Variants in DYM observed in about 807,000 individuals in gnomAD.
DYM encodes the protein dymeclin.
A neutral mutation model predicts 93.1 loss-of-function variants in DYM; 78 were observed. The ratio of observed to expected loss-of-function variants is 0.84; its 90% CI spans 0.70 to 1.01. DYM has a LOEUF of 1.01. Ranked by LOEUF, DYM falls within the 50% of genes least tolerant of loss-of-function variation. The probability of loss-of-function intolerance (pLI) is 0.00; values close to 1 mark genes in which losing one functional copy is unlikely to be tolerated. For synonymous variants in DYM, 321 were observed against 319.7 expected (o/e 1.00, Z -0.04); for missense variants, 789 against 845.0 (o/e 0.93, Z 0.82).
intron 8 of DYM, among the ~76,000 whole-genome samples, chr18:49,327,108 AAC>A (rs2062953130): frequency 6.7e-6 from 1 of 149,796 alleles, no homozygotes; most frequent in Admixed American, 6.7e-5. Context: ...GAGGAGAAAA[AAC>A]ACAACAAATG....
intron 13 of DYM, among the ~76,000 whole-genome samples, chr18:49,237,059 A>G (rs1165792806): frequency 6.6e-6 from 1 of 152,096 alleles, no homozygotes; most frequent in Non-Finnish European, 1.5e-5. Flanking sequence ...TATTAAGCAA[A>G]TTATCCATAA....
Position 49,209,407 on chromosome 18 carries a change from T to C in DYM, c.1625+144A>G, listed in dbSNP as rs141785956. The C allele has an allele frequency of 2.3e-4, 113 of 501,048 alleles. 3 individuals are homozygous for C. In the East Asian group the frequency reaches 9.1e-3, roughly 40 times the overall value. 31.0% of individuals were successfully genotyped at this position (501,048 alleles called of 1,614,324 possible). A position where few individuals can be genotyped will look rare whatever the true frequency, so the allele number is the denominator to read the frequency against. ...TTTGTAAGGAAACAAAATCCAGCTATTATTTTAAAAAAATTATTTAGTACC... is the reference window on the plus strand; with the variant it reads ...TTTGTAAGGAAACAAAATCCAGCTACTATTTTAAAAAAATTATTTAGTACC... On this transcript the variant is annotated intron_variant, in intron 14 of 17. Coordinates refer to ENST00000675505, the MANE Select transcript of DYM (RefSeq NM_001353214.3).
chr18:49,178,017 A>G (rs1272953856), intron 14 of DYM, among the ~76,000 whole-genome samples: 2 of 152,158 alleles, frequency 1.3e-5, no homozygotes, highest in Non-Finnish European at 2.9e-5. Context: ...TCCTGAATAA[A>G]GAAGTAGCTC....
chr18:49,132,629 A>G (rs1430695798), intron 15 of DYM, among the ~76,000 whole-genome samples: 1 of 152,156 alleles, frequency 6.6e-6, no homozygotes, highest in East Asian at 1.9e-4. Flanking sequence ...ACATAACTAT[A>G]ATTTCAAAAA....
At chr18:49,343,991 T>C (rs1313566171) in intron 6 of DYM, among the ~76,000 whole-genome samples, 8 of 151,074 alleles carry the variant, frequency 5.3e-5, no homozygotes, top group Admixed American at 5.3e-4. Context: ...GGAGCCACAG[T>C]AACAGAACTA....
chr18:49,317,646 C>CTCCTCTCCTCTCCTCTCCTTCCTTCCT (rs750848541), intron 8 of DYM, among the ~76,000 whole-genome samples: 3 of 36,610 alleles, frequency 8.2e-5, no homozygotes, highest in East Asian at 7.9e-4. Flanking sequence ...ATCCTCTCCT[C>CTCCTCTCCTCTCCTCTCCTTCCTTCCT]TCCTTCCTTC....
chr18:49,305,645 T>C (rs2061230150), intron 8 of DYM, among the ~76,000 whole-genome samples: 1 of 152,224 alleles, frequency 6.6e-6, no homozygotes, highest in African/African-American at 2.4e-5. Context: ...CTCAATGAAA[T>C]GTAGGCATTT....
intron 14 of DYM, among the ~76,000 whole-genome samples, chr18:49,165,551 G>A (rs2087757332): frequency 6.6e-6 from 1 of 152,024 alleles, no homozygotes; most frequent in African/African-American, 2.4e-5. Context: ...GGGCCACTAA[G>A]TAGTCTTTGT....
intron 15 of DYM, among the ~76,000 whole-genome samples, chr18:49,124,657 T>G (rs1056382550): frequency 6.6e-6 from 1 of 152,242 alleles, no homozygotes; most frequent in Non-Finnish European, 1.5e-5. Context: ...TCTCTTACAT[T>G]GTTTCTGTGA....
chr18:49,233,416 T>G (rs868306796), intron 13 of DYM, among the ~76,000 whole-genome samples: 4 of 149,010 alleles, frequency 2.7e-5, no homozygotes, highest in African/African-American at 7.3e-5. Flanking sequence ...AAAAAAAGCA[T>G]CCATTTTTTC....
intron 13 of DYM, among the ~76,000 whole-genome samples, chr18:49,236,802 A>G (rs1324190237): frequency 6.6e-6 from 1 of 152,208 alleles, no homozygotes; most frequent in Non-Finnish European, 1.5e-5. Context: ...GGATGAAAAC[A>G]ACATGCACGC....
intron 2 of DYM, among the ~76,000 whole-genome samples, chr18:49,411,639 T>C (rs2148200000): frequency 6.6e-6 from 1 of 152,294 alleles, no homozygotes; most frequent in East Asian, 1.9e-4. Context: ...GGAGAAGTTA[T>C]AACAGACCTC....
chr18:49,258,364 C>T lies in DYM; in HGVS notation c.1365+16G>A, dbSNP rs371017415. 3 of 1,515,552 alleles carry T rather than the reference C, an allele frequency of 2.0e-6. No individual in the cohort carries two copies. The highest frequency in any genetic ancestry group is 2.8e-6 in the Non-Finnish European group (3 of 1,090,306). 93.9% of individuals were successfully genotyped at this position (1,515,552 alleles called of 1,614,324 possible). A position where few individuals can be genotyped will look rare whatever the true frequency, so the allele number is the denominator to read the frequency against. On this transcript the variant is annotated intron_variant, in intron 12 of 17. Coordinates refer to ENST00000675505, the MANE Select transcript of DYM (RefSeq NM_001353214.3). Reference sequence around the variant, plus strand: ...ACTGTATGCAAAAAAGATAGAATAGCAGCTGGAATACTTACTCGTGTCCTA... The same window carrying T: ...ACTGTATGCAAAAAAGATAGAATAGTAGCTGGAATACTTACTCGTGTCCTA...
chr18:49,134,291 C>T (rs924547431), intron 15 of DYM, among the ~76,000 whole-genome samples: 16 of 152,114 alleles, frequency 1.1e-4, no homozygotes, highest in East Asian at 1.9e-4. Context: ...ATATTTCTAG[C>T]GAAGCAGCAG....
intron 1 of DYM, chr18:49,447,438 T>A (rs1449371850): frequency 2.0e-5 from 3 of 152,222 alleles, no homozygotes; most frequent in Non-Finnish European, 4.4e-5. Context: ...AGCCACTTCA[T>A]AATGGCAGCT....
chr18:49,264,370 TGA>T (rs2094537339), intron 11 of DYM, among the ~76,000 whole-genome samples: 1 of 152,108 alleles, frequency 6.6e-6, no homozygotes, highest in South Asian at 2.1e-4. Context: ...TTGAGGAATT[TGA>T]GAGGACAAAT....
intron 14 of DYM, among the ~76,000 whole-genome samples, chr18:49,187,595 G>C (rs982289605): frequency 1.3e-5 from 2 of 152,052 alleles, no homozygotes; most frequent in Non-Finnish European, 2.9e-5. Context: ...AGCTGAAATA[G>C]GACATCAGAA....
intron 6 of DYM, among the ~76,000 whole-genome samples, chr18:49,355,692 T>C (rs1219923958): frequency 6.6e-6 from 1 of 152,176 alleles, no homozygotes; most frequent in Non-Finnish European, 1.5e-5. Context: ...TTGACATTAA[T>C]AACTGCAAAT....
At chr18:49,172,332 T>C (rs1220470448) in intron 14 of DYM, among the ~76,000 whole-genome samples, 1 of 152,236 alleles carries the variant, frequency 6.6e-6, no homozygotes, top group East Asian at 1.9e-4. Flanking sequence ...TGTGAACATA[T>C]GTTTTCATTT....
Sources: gnomAD v4.1 joint callset for allele counts (sites outside exome capture counted in the v4.1 genomes callset) on GRCh38, gnomAD v4.1.1 for gene constraint, MANE v1.5 for transcripts, NCBI Gene and HGNC (gene_info 2026-07-23, HGNC 2026-07-21) for gene names.